Variants in CFAP184 observed in about 807,000 individuals in gnomAD.
CFAP184 encodes the protein cilia- and flagella-associated protein 184.
the CFAP184 span, chr4:7,042,186 G>C: frequency 1.2e-6 from 2 of 1,600,666 alleles, no homozygotes; most frequent in Non-Finnish European, 1.7e-6. Flanking sequence ...CGAAGATCTT[G>C]TGCTGCAGGT....
chr4:7,042,796 T>C, the CFAP184 span: 4 of 1,554,110 alleles, frequency 2.6e-6, no homozygotes, highest in Non-Finnish European at 3.5e-6. Context: ...CTCCTCCTCC[T>C]CCGGCTCCGA....
At chr4:7,042,926 A>G in the CFAP184 span, 1 of 1,462,498 alleles carries the variant, frequency 6.8e-7, no homozygotes, top group Admixed American at 2.3e-5. Flanking sequence ...GTGTGCTCAG[A>G]GCTGACGTCC....
At chr4:7,041,805 C>T in the CFAP184 span, 1 of 1,611,340 alleles carries the variant, frequency 6.2e-7, no homozygotes, top group African/African-American at 1.3e-5. Context: ...GCTGAATGTT[C>T]TCCAGCCGCA....
At chr4:7,041,679 C>G in the CFAP184 span, 1 of 1,614,206 alleles carries the variant, frequency 6.2e-7, no homozygotes. Flanking sequence ...CCTCAATTTT[C>G]TCATTGAAGG....
chr4:7,041,615 C>G, the CFAP184 span: 29 of 1,614,250 alleles, frequency 1.8e-5, 1 homozygote, highest in South Asian at 2.2e-4. Context: ...TGGGTTATTA[C>G]TTGCACACTG....
At chr4:7,041,432 C>T in the CFAP184 span, 30 of 1,614,112 alleles carry the variant, frequency 1.9e-5, no homozygotes, top group Admixed American at 8.3e-5. Flanking sequence ...GAGTCCTTGC[C>T]TAGAAGGCCG....
chr4:7,042,838 G>A, the CFAP184 span: 1 of 1,575,910 alleles, frequency 6.3e-7, no homozygotes, highest in Non-Finnish European at 8.6e-7. Flanking sequence ...AGAGGTCGGA[G>A]GGCCAGAGCT....
chr4:7,041,208 A>C, the CFAP184 span: 1 of 1,507,926 alleles, frequency 6.6e-7, no homozygotes, highest in East Asian at 2.3e-5. Flanking sequence ...AACGAAGGTA[A>C]AATAAAGCAG....
At chr4:7,041,530 T>G in the CFAP184 span, 1 of 1,614,258 alleles carries the variant, frequency 6.2e-7, no homozygotes. Context: ...TAGGGCGGCC[T>G]GGGCCTCGAT....
At chr4:7,042,831 G>T in the CFAP184 span, 19 of 1,573,224 alleles carry the variant, frequency 1.2e-5, no homozygotes, top group African/African-American at 2.6e-4. Context: ...GTTCGGGAGA[G>T]GTCGGAGGGC....
At chr4:7,041,070 A>G in the CFAP184 span, 1 of 641,410 alleles carries the variant, frequency 1.6e-6, no homozygotes, top group South Asian at 4.2e-5. Context: ...TTCTGGACCT[A>G]TTTTTGCTCA....
At chr4:7,042,128 G>A in the CFAP184 span, 16 of 1,606,632 alleles carry the variant, frequency 1.0e-5, no homozygotes, top group African/African-American at 1.3e-5. Context: ...TCTGCGCCCC[G>A]GTCAGCCACC....
chr4:7,041,546 C>A, the CFAP184 span: 1 of 1,614,270 alleles, frequency 6.2e-7, no homozygotes, highest in African/African-American at 1.3e-5. Flanking sequence ...TCGATTTCTG[C>A]CAGCTGTGTC....
At chr4:7,041,327 A>G in the CFAP184 span, 1 of 1,614,044 alleles carries the variant, frequency 6.2e-7, no homozygotes, top group Non-Finnish European at 8.5e-7. Flanking sequence ...CCTCTGCAGG[A>G]CAAAGTGAGG....
At chr4:7,042,689 G>T in the CFAP184 span, 1 of 1,509,320 alleles carries the variant, frequency 6.6e-7, no homozygotes. Context: ...GGCTCTCCAG[G>T]CCCCTCCTCG....
the CFAP184 span, chr4:7,042,970 C>CG: frequency 1.1e-5 from 16 of 1,397,080 alleles, no homozygotes; most frequent in Admixed American, 2.4e-4. Flanking sequence ...CAGCGGACCC[C>CG]GGCAGGACGC....
chr4:7,041,827 T>A, the CFAP184 span: 3 of 1,609,890 alleles, frequency 1.9e-6, no homozygotes, highest in Admixed American at 5.0e-5. Flanking sequence ...GGCGCTCATC[T>A]CCTTCTCCTT....
the CFAP184 span, chr4:7,042,101 T>C: frequency 6.2e-7 from 1 of 1,608,860 alleles, no homozygotes; most frequent in Non-Finnish European, 8.5e-7. Context: ...GCTTGCTCTT[T>C]CTCGGGGGCC....
At chr4:7,042,532 T>C in the CFAP184 span, 2 of 1,598,194 alleles carry the variant, frequency 1.3e-6, no homozygotes, top group Non-Finnish European at 8.5e-7. Flanking sequence ...CCTGACTTCC[T>C]TCCCCTCTGC....
Sources: allele counts gnomAD v4.1 joint callset, GRCh38; gene constraint gnomAD v4.1.1; transcripts MANE v1.5; gene names NCBI Gene and HGNC (gene_info 2026-07-23, HGNC 2026-07-21).